Variants in KIAA0513 observed in about 807,000 individuals in gnomAD.
The protein encoded by KIAA0513 is uncharacterized protein KIAA0513.
A neutral mutation model predicts 56.5 loss-of-function variants in KIAA0513; 39 were observed. That is an observed-to-expected ratio of 0.69 (90% CI 0.53 to 0.90). The LOEUF is 0.90. Among genes scored for constraint, KIAA0513 ranks in the 40% least tolerant of loss-of-function variants. KIAA0513 has a pLI of 0.00. For missense variants in KIAA0513, 591 were observed against 535.2 expected (o/e 1.10, Z -1.03); for synonymous variants, 268 against 215.6 (o/e 1.24, Z -2.13).
intron 1 of KIAA0513, among the ~76,000 whole-genome samples, chr16:85,048,286 G>T (rs778007842): frequency 3.2e-4 from 49 of 152,124 alleles, no homozygotes; most frequent in Non-Finnish European, 6.5e-4. Context: ...CAAAGGCTTC[G>T]ACCGTCAGCA....
At chr16:85,029,551 G>A (rs1366761408) in intron 1 of KIAA0513, among the ~76,000 whole-genome samples, 1 of 152,214 alleles carries the variant, frequency 6.6e-6, no homozygotes, top group African/African-American at 2.4e-5. Context: ...CTTTATAGTA[G>A]CCCCAGCGGC....
At chr16:85,042,634 G>T (rs537865226) in intron 1 of KIAA0513, among the ~76,000 whole-genome samples, 1 of 152,326 alleles carries the variant, frequency 6.6e-6, no homozygotes, top group Non-Finnish European at 1.5e-5. Flanking sequence ...GATAATTAAT[G>T]CCTAGTATGT....
chr16:85,086,365 G>T (rs2073807952), intron 10 of KIAA0513, among the ~76,000 whole-genome samples: 1 of 152,250 alleles, frequency 6.6e-6, no homozygotes, highest in Non-Finnish European at 1.5e-5. Context: ...GCCGCGTGGT[G>T]CTCCGTGCCT....
chr16:85,069,813 C>T (rs2073545464), intron 2 of KIAA0513, among the ~76,000 whole-genome samples: 2 of 152,132 alleles, frequency 1.3e-5, no homozygotes, highest in South Asian at 4.1e-4. Context: ...ACAGTTCTTA[C>T]ACGTCAGCGT....
chr16:85,067,659 G>C (rs974148792), intron 2 of KIAA0513, among the ~76,000 whole-genome samples: 2 of 152,172 alleles, frequency 1.3e-5, no homozygotes, highest in Non-Finnish European at 2.9e-5. Flanking sequence ...GTGAGGCCCA[G>C]CATCAAAGTA....
In KIAA0513 at chr16:85,078,371, T is replaced by C. The variant is rs773817821; in HGVS notation, c.783-44T>C. The stretch of plus-strand genomic sequence containing the variant: ...ACAGCGTCTTTGAGTTGAGAAAGTG[T>C]GGTGTGAGTCGCGTGTGTCATCATT... On this transcript the variant is annotated intron_variant, in intron 6 of 12. Coordinates refer to ENST00000683363, the MANE Select transcript of KIAA0513 (RefSeq NM_001388359.1). 11 of 1,609,554 alleles carry C rather than the reference T, an allele frequency of 6.8e-6. No individual in the cohort carries two copies. In the East Asian group the frequency reaches 8.9e-5, roughly 13 times the overall value.
chr16:85,048,679 G>C (rs1287323790), intron 1 of KIAA0513, among the ~76,000 whole-genome samples: 2 of 152,200 alleles, frequency 1.3e-5, no homozygotes, highest in Non-Finnish European at 2.9e-5. Context: ...TGGAGTTCAA[G>C]GCTGCAGCGA....
rs1489494208 is a variant in KIAA0513 at position 85,066,883 on chromosome 16, C to A, written c.-172-17C>A. The A allele has an allele frequency of 7.6e-6, 4 of 525,670 alleles. No individual in the cohort carries two copies. The highest frequency in any genetic ancestry group is 1.3e-5 in the Non-Finnish European group (4 of 297,946). The allele number at this position is 525,670 out of a possible 1,614,324, so 32.6% of individuals were successfully genotyped here. On this transcript the variant is annotated splice_polypyrimidine_tract_variant and intron_variant, in intron 1 of 12. Transcript: ENST00000683363. ...TGAGGAGTGGCGCTAATGTCTGTGT[C>A]TGTGTTTCCATTCTAGATGCCGTAG...
intron 6 of KIAA0513, 88 bp from the exon 7 acceptor site, chr16:85,078,327 C>T (rs1216213517): frequency 1.4e-6 from 2 of 1,423,846 alleles, no homozygotes; most frequent in Non-Finnish European, 2.0e-6. Flanking sequence ...TGTACCCAGT[C>T]CCACCTTAGA....
rs947208471 is a variant in KIAA0513, at chr16:85,090,449, G to A, written c.*2124G>A. 1 of 152,236 alleles carries A rather than the reference G, an allele frequency of 6.6e-6. No individual in the cohort carries two copies. The highest frequency in any genetic ancestry group is 6.5e-5 in the Admixed American group (1 of 15,290). 9.4% of individuals were successfully genotyped at this position (152,236 alleles called of 1,614,324 possible). ...TTTTGTTTGATTCTGAGACTCTCTT[G>A]GGAACGCTGGAGAGCTTGTGCACAG... On this transcript the variant is annotated 3_prime_UTR_variant, in exon 13 of 13. Transcript: ENST00000683363.
chr16:85,045,700 G>A (rs552972872), intron 1 of KIAA0513, among the ~76,000 whole-genome samples: 1 of 152,258 alleles, frequency 6.6e-6, no homozygotes, highest in South Asian at 2.1e-4. Flanking sequence ...CCTGGAACCG[G>A]GATCCGTTTT....
intron 1 of KIAA0513, among the ~76,000 whole-genome samples, chr16:85,062,012 A>C (rs2073413032): frequency 6.6e-6 from 1 of 151,898 alleles, no homozygotes; most frequent in Admixed American, 6.6e-5. Context: ...AAGCCTTTTC[A>C]ATGCTGGTTC....
intron 1 of KIAA0513, among the ~76,000 whole-genome samples, chr16:85,049,776 C>T (rs1281843287): frequency 1.3e-5 from 2 of 152,174 alleles, no homozygotes; most frequent in Non-Finnish European, 2.9e-5. Context: ...ATAAATTACC[C>T]AGTCTCGGGT....
intron 1 of KIAA0513, among the ~76,000 whole-genome samples, chr16:85,049,447 G>A (rs969212730): frequency 1.3e-5 from 2 of 152,170 alleles, no homozygotes; most frequent in Non-Finnish European, 2.9e-5. Context: ...ATCTCCTGTC[G>A]AATTGTAATC....
intron 1 of KIAA0513, among the ~76,000 whole-genome samples, chr16:85,033,692 G>A (rs1205218786): frequency 1.3e-5 from 2 of 152,132 alleles, no homozygotes; most frequent in African/African-American, 4.8e-5. Context: ...GGAGGGTAGA[G>A]CAGGACCGTC....
intron 10 of KIAA0513, among the ~76,000 whole-genome samples, chr16:85,086,147 C>T (rs1394711206): frequency 2.0e-5 from 3 of 152,244 alleles, no homozygotes; most frequent in Admixed American, 6.5e-5. Flanking sequence ...CCCAGGACGA[C>T]GCACCTCGCT....
In KIAA0513 at chr16:85,088,470, A is replaced by G; in HGVS notation, c.*145A>G. 1.5e-6 allele frequency: 1 copy of G among 655,664 alleles called. No individual in the cohort carries two copies. The highest frequency in any genetic ancestry group is 2.7e-5 in the East Asian group (1 of 36,606). The allele number at this position is 655,664 out of a possible 1,614,324, so 40.6% of individuals were successfully genotyped here. ...TGCTGCCCTAGAACTAGCGGTTAGA[A>G]GAATCCGCTGTTCCTCCCTCATCTC... On this transcript the variant is annotated 3_prime_UTR_variant, in exon 13 of 13. Coordinates refer to ENST00000683363, the MANE Select transcript of KIAA0513 (RefSeq NM_001388359.1).
intron 2 of KIAA0513, 168 bp from the exon 3 acceptor site, chr16:85,071,615 C>T (rs2073574809): frequency 6.0e-6 from 1 of 165,800 alleles, no homozygotes; most frequent in African/African-American, 2.4e-5. Context: ...TAGTAACACC[C>T]TTTCCTCATG....
intron 1 of KIAA0513, among the ~76,000 whole-genome samples, chr16:85,052,249 G>T (rs1205337649): frequency 6.6e-6 from 1 of 152,136 alleles, no homozygotes; most frequent in Non-Finnish European, 1.5e-5. Context: ...GAACCCTGGA[G>T]GTGGAGGTTG....
Sources: allele counts gnomAD v4.1 joint callset (sites outside exome capture counted in the v4.1 genomes callset), GRCh38; gene constraint gnomAD v4.1.1; transcripts MANE v1.5; gene names NCBI Gene and HGNC (gene_info 2026-07-23, HGNC 2026-07-21).